The following ABI3BP variants were observed in gnomAD, a reference collection of about 807,000 sequenced individuals.
The protein encoded by ABI3BP is ABI family member 3 binding protein, also known as target of Nesh-SH3.
In ABI3BP, 216 loss-of-function variants were observed where a neutral mutation model predicts 268.6. That is an observed-to-expected ratio of 0.80 (90% CI 0.72 to 0.90). The LOEUF (loss-of-function observed/expected upper bound fraction) is 0.90, where lower values mean the gene tolerates loss of function less well. Ranked by LOEUF, ABI3BP falls within the 40% of genes least tolerant of loss-of-function variation. ABI3BP has a pLI of 0.00. For synonymous variants in ABI3BP, 730 were observed against 730.0 expected (o/e 1.00, Z 0.00); for missense variants, 2,090 against 2,182.4 (o/e 0.96, Z 0.84).
At chr3:100,870,230 G>A (rs771104209) in intron 9 of ABI3BP, among the ~76,000 whole-genome samples, 3 of 152,094 alleles carry the variant, frequency 2.0e-5, no homozygotes, top group Non-Finnish European at 4.4e-5. Flanking sequence ...AAATGAAAAG[G>A]CAGCCTATGC....
chr3:100,911,633 T>G, intron 2 of ABI3BP: 1 of 709,530 alleles, frequency 1.4e-6, no homozygotes, highest in Non-Finnish European at 2.6e-6. Flanking sequence ...AACCAGTGGA[T>G]GTAGAGGAAC....
intron 17 of ABI3BP, 31 bp from the exon 18 acceptor site, chr3:100,848,906 A>C (rs541103589): frequency 6.3e-7 from 1 of 1,596,538 alleles, no homozygotes; most frequent in Non-Finnish European, 8.6e-7. Context: ...GCTTTGATAA[A>C]TGATATTTTT....
chr3:100,960,266 G>A (rs537181203), intron 1 of ABI3BP, among the ~76,000 whole-genome samples: 1 of 152,282 alleles, frequency 6.6e-6, no homozygotes, highest in African/African-American at 2.4e-5. Context: ...TTCAAGAGGG[G>A]TAGTATGAAC....
At chr3:100,830,509 T>A (rs2098472864) in intron 32 of ABI3BP, 69 bp downstream of exon 32, 1 of 1,336,234 alleles carries the variant, frequency 7.5e-7, no homozygotes, top group South Asian at 1.3e-5. Flanking sequence ...AAGCTGTGGT[T>A]ATGATGGTGA....
intron 4 of ABI3BP, among the ~76,000 whole-genome samples, chr3:100,894,430 C>T (rs185559633): frequency 3.0e-3 from 458 of 152,102 alleles, no homozygotes; most frequent in African/African-American, 8.6e-3. Context: ...TGATGCTCTT[C>T]GGGGGACCAG....
chr3:100,799,081 C>T (rs2097443887), intron 51 of ABI3BP, among the ~76,000 whole-genome samples: 1 of 152,100 alleles, frequency 6.6e-6, no homozygotes, highest in South Asian at 2.1e-4. Flanking sequence ...ATGTTACTTC[C>T]CCTCTACCTA....
chr3:100,767,129 A>G (rs939655170), intron 62 of ABI3BP, among the ~76,000 whole-genome samples: 5 of 152,032 alleles, frequency 3.3e-5, no homozygotes, highest in African/African-American at 9.7e-5. Context: ...TTGTAGAGAC[A>G]GGGTTTTGCC....
intron 28 of ABI3BP, among the ~76,000 whole-genome samples, chr3:100,835,397 G>A (rs962427646): frequency 1.3e-5 from 2 of 152,130 alleles, no homozygotes; most frequent in African/African-American, 2.4e-5. Context: ...GGACACAGAT[G>A]CTGTTCACTA....
rs1456596835 is a variant in ABI3BP, at chr3:100,749,928, A to G, written c.*567T>C. ...TGTATATTAGCATGAATGTGTAACT[A>G]TTAAACTCCTCCGCAAAGCTATTCA... On this transcript the variant is annotated 3_prime_UTR_variant, in exon 68 of 68. Transcript: ENST00000471714. 3.9e-5 allele frequency: 15 copies of G among 385,210 alleles called. No individual in the cohort carries two copies. Among genetic ancestry groups the G allele is most frequent in the African/African-American group, 1.0e-4 (5 of 48,328 alleles). The allele number at this position is 385,210 out of a possible 1,614,324, so 23.9% of individuals were successfully genotyped here.
At chr3:100,961,638 A>G (rs1158747026) in intron 1 of ABI3BP, among the ~76,000 whole-genome samples, 1 of 152,232 alleles carries the variant, frequency 6.6e-6, no homozygotes, top group African/African-American at 2.4e-5. Context: ...GTTGGGCAAG[A>G]TTCCATGTGT....
At chr3:100,751,696 G>C in intron 66 of ABI3BP, 22 bp from the exon 67 acceptor site, 1 of 1,568,298 alleles carries the variant, frequency 6.4e-7, no homozygotes, top group Non-Finnish European at 8.6e-7. Context: ...GAAATTAAAA[G>C]GATAAAGTTT....
intron 14 of ABI3BP, among the ~76,000 whole-genome samples, chr3:100,855,764 T>TA (rs983957925): frequency 1.3e-5 from 2 of 152,006 alleles, no homozygotes; most frequent in Non-Finnish European, 2.9e-5. Flanking sequence ...AATGGAATTC[T>TA]AAAAAAAATA....
chr3:100,844,517 C>A (rs1472318699), intron 20 of ABI3BP: 1 of 948,354 alleles, frequency 1.1e-6, no homozygotes, highest in South Asian at 4.9e-5. Flanking sequence ...GAAGAGTGTG[C>A]GGAGAGGGCT....
chr3:100,808,220 G>A lies in ABI3BP; in HGVS notation c.3623C>T (p.Pro1208Leu), dbSNP rs1230143925. ...TGTTTTTGGCTTAGGAGGAGCACGT[G>A]GTGTCTGCTTGGGAGCTAAAAGAAA... ...PQTEPAPKQTPRAPPKPKTSP... is the reference protein window; with the variant it reads ...PQTEPAPKQTLRAPPKPKTSP... Residue 1208 changes from proline to leucine, a missense_variant, in exon 50 of 68, where the codon CCA becomes CTA. Transcript: ENST00000471714. The A allele has an allele frequency of 6.2e-7, 1 of 1,610,524 alleles. No homozygotes were observed. Among genetic ancestry groups the A allele is most frequent in the Admixed American group, 1.7e-5 (1 of 59,646 alleles).
At chr3:100,955,352 T>A (rs991974580) in intron 1 of ABI3BP, among the ~76,000 whole-genome samples, 5 of 152,196 alleles carry the variant, frequency 3.3e-5, no homozygotes, top group Non-Finnish European at 5.9e-5. Context: ...AGATGAATAC[T>A]TTCACAAATG....
At position 100,829,610 on chromosome 3, in the gene ABI3BP, A is replaced by G. The variant is rs1216084976; in HGVS notation, c.2513T>C (p.Leu838Pro). The G allele has an allele frequency of 6.5e-7, 1 of 1,535,658 alleles. No individual in the cohort carries two copies. The highest frequency in any genetic ancestry group is 2.0e-5 in the Admixed American group (1 of 50,952). ...HRPHPKPKTTLSPEELQTELV... is the reference protein window; with the variant it reads ...HRPHPKPKTTPSPEELQTELV... Reference sequence around the variant, plus strand: ...TTCAGTCTGAAGCTCTTCGGGACTCAGTGTGGTTTTAGGTTTGGGATGTGG... The same window carrying G: ...TTCAGTCTGAAGCTCTTCGGGACTCGGTGTGGTTTTAGGTTTGGGATGTGG... Residue 838 changes from leucine (L) to proline (P), a missense_variant, in exon 33 of 68, where the codon CTG (leucine) becomes CCG (proline). Physicochemically the swap from Leu to Pro is moderately conservative, Grantham distance 98. Transcript: ENST00000471714.
At chr3:100,906,671 C>T (rs976096462) in intron 2 of ABI3BP, among the ~76,000 whole-genome samples, 8 of 152,164 alleles carry the variant, frequency 5.3e-5, no homozygotes, top group African/African-American at 1.9e-4. Flanking sequence ...TACAATGTTG[C>T]AGACTAATTA....
intron 50 of ABI3BP, 120 bp from the exon 51 acceptor site, chr3:100,804,986 A>C: frequency 1.3e-6 from 1 of 786,910 alleles, no homozygotes; most frequent in South Asian, 1.6e-5. Context: ...TAGAGAGAAG[A>C]CAGAAGAAGG....
intron 26 of ABI3BP, 46 bp from the exon 27 acceptor site, chr3:100,837,217 G>T: frequency 6.7e-7 from 1 of 1,483,358 alleles, no homozygotes; most frequent in Non-Finnish European, 9.0e-7. Flanking sequence ...AAGCAAGGAA[G>T]TCTAAACTTT....
Sources: allele counts gnomAD v4.1 joint callset (sites outside exome capture counted in the v4.1 genomes callset), GRCh38; gene constraint gnomAD v4.1.1; transcripts MANE v1.5; gene names NCBI Gene and HGNC (gene_info 2026-07-23, HGNC 2026-07-21).